Variants in ATG7 observed in about 807,000 individuals in gnomAD.
ATG7 encodes ubiquitin-like modifier-activating enzyme ATG7.
ATG7 carries 70 observed loss-of-function variants against 82.4 expected under a neutral mutation model. The ratio of observed to expected loss-of-function variants is 0.85; its 90% confidence interval spans 0.70 to 1.04. The LOEUF (loss-of-function observed/expected upper bound fraction) is 1.04, where lower values mean the gene tolerates loss of function less well. Among genes scored for constraint, ATG7 ranks in the 50% least tolerant of loss-of-function variants. The pLI is 0.00. For synonymous variants in ATG7, 287 were observed against 313.0 expected, an observed-to-expected ratio of 0.92 and a Z score of 0.88; for missense variants, 792 against 864.3, an observed-to-expected ratio of 0.92 and a Z score of 1.05.
At chr3:11,559,132 C>A (rs139047771), downstream of ATG7, among the ~76,000 whole-genome samples, 1 of 152,228 alleles carries the variant, frequency 6.6e-6, no homozygotes, top group African/African-American at 2.4e-5. Flanking sequence ...TGGAACTGAG[C>A]GAGGCGGTGT....
At chr3:11,429,580 AAT>A (rs2082679947) in intron 20 of ATG7, among the ~76,000 whole-genome samples, 1 of 152,164 alleles carries the variant, frequency 6.6e-6, no homozygotes, top group South Asian at 2.1e-4. Flanking sequence ...TGCATCTCTT[AAT>A]AGTGATGGTT....
At chr3:11,505,466 G>T (rs1446874130) in intron 20 of ATG7, among the ~76,000 whole-genome samples, 3 of 152,034 alleles carry the variant, frequency 2.0e-5, no homozygotes, top group Non-Finnish European at 4.4e-5. Flanking sequence ...TACTATTTTT[G>T]GTTATTGTTT....
chr3:11,395,059 T>C (rs1206167798), intron 19 of ATG7, among the ~76,000 whole-genome samples: 1 of 152,196 alleles, frequency 6.6e-6, no homozygotes, highest in Non-Finnish European at 1.5e-5. Flanking sequence ...TATTGGGGAC[T>C]GGAAACTCTA....
intron 20 of ATG7, among the ~76,000 whole-genome samples, chr3:11,521,443 A>G (rs574033764): frequency 1.1e-4 from 16 of 152,270 alleles, no homozygotes; most frequent in African/African-American, 3.8e-4. Flanking sequence ...GAAAAGGCGC[A>G]TCGCACAGCA....
At chr3:11,475,514 C>T (rs2088055267) in intron 20 of ATG7, among the ~76,000 whole-genome samples, 1 of 152,120 alleles carries the variant, frequency 6.6e-6, no homozygotes, top group Admixed American at 6.5e-5. Context: ...GTTGGGAGCA[C>T]ACATCCCAGG....
chr3:11,475,103 T>G (rs1450443651), intron 20 of ATG7, among the ~76,000 whole-genome samples: 2 of 151,604 alleles, frequency 1.3e-5, no homozygotes, highest in African/African-American at 4.9e-5. Flanking sequence ...AATAAGAAGG[T>G]TTGGGGTGAA....
intron 19 of ATG7, among the ~76,000 whole-genome samples, chr3:11,400,982 A>G (rs2079783651): frequency 6.6e-6 from 1 of 152,342 alleles, no homozygotes; most frequent in South Asian, 2.1e-4. Flanking sequence ...AGAAATAGCT[A>G]AAGATGGACT....
At chr3:11,383,231 C>T (rs568395209) in intron 19 of ATG7, among the ~76,000 whole-genome samples, 3 of 152,134 alleles carry the variant, frequency 2.0e-5, no homozygotes, top group Non-Finnish European at 4.4e-5. Flanking sequence ...GTCTCTGGCT[C>T]CCTTCAATCT....
intron 19 of ATG7, among the ~76,000 whole-genome samples, chr3:11,407,970 A>C (rs892893578): frequency 3.3e-5 from 5 of 152,222 alleles, no homozygotes; most frequent in Admixed American, 2.6e-4. Context: ...GCTCCTAGTT[A>C]CTTAAGCAAA....
In ATG7 at chr3:11,340,712, CAG is replaced by C; in HGVS notation, c.958_959del (p.Ser320Ter). The C allele has an allele frequency of 6.2e-7, 1 of 1,613,718 alleles. No individual in the cohort carries two copies. Among genetic ancestry groups the C allele is most frequent in the East Asian group, 2.2e-5 (1 of 44,862 alleles). The part of the protein sequence containing the change: ...GGMGPRMVNL[S>X]ECMDPKRLAE... ...GCATGGGACCAAGGATGGTGAACCTCAGTGAATGTATGGACCCTAAAAGGTAT... is the reference window on the plus strand; with the variant it reads ...GCATGGGACCAAGGATGGTGAACCTCTGAATGTATGGACCCTAAAAGGTAT... On this transcript the variant is annotated frameshift_variant, in exon 12 of 21. Coordinates refer to ENST00000693202, the MANE Select transcript of ATG7 (RefSeq NM_001349232.2). LOFTEE classifies it high-confidence loss of function.
intron 20 of ATG7, among the ~76,000 whole-genome samples, chr3:11,544,895 C>T (rs1283925868): frequency 6.6e-6 from 1 of 152,226 alleles, no homozygotes; most frequent in South Asian, 2.1e-4. Context: ...TACCCTCACG[C>T]AGCACGCAGT....
chr3:11,386,687 C>T (rs1224596210), intron 19 of ATG7, among the ~76,000 whole-genome samples: 1 of 152,138 alleles, frequency 6.6e-6, no homozygotes, highest in Non-Finnish European at 1.5e-5. Flanking sequence ...ATGAGTAACC[C>T]CCAGGTTCTC....
intron 20 of ATG7, among the ~76,000 whole-genome samples, chr3:11,468,639 A>C (rs778801939): frequency 7.9e-5 from 12 of 152,282 alleles, no homozygotes; most frequent in Middle Eastern, 3.4e-3. Flanking sequence ...CCCTAGAAAG[A>C]GGAACTCTTG....
intron 3 of ATG7, among the ~76,000 whole-genome samples, chr3:11,292,286 C>T (rs540578896): frequency 1.3e-4 from 19 of 147,738 alleles, no homozygotes; most frequent in Non-Finnish European, 2.5e-4. Context: ...CAGAGTCTCG[C>T]TCTGTTGCCC....
intron 9 of ATG7, among the ~76,000 whole-genome samples, chr3:11,323,131 A>G (rs570412903): frequency 6.6e-6 from 1 of 152,222 alleles, no homozygotes; most frequent in Non-Finnish European, 1.5e-5. Context: ...GTTCATAATC[A>G]GTGGTGTGCT....
At chr3:11,395,936 T>C (rs1425015046) in intron 19 of ATG7, among the ~76,000 whole-genome samples, 1 of 73,830 alleles carries the variant, frequency 1.4e-5, no homozygotes, top group Non-Finnish European at 2.3e-5. Flanking sequence ...CGAGACTCTG[T>C]CTCAAAAAAA....
intron 9 of ATG7, among the ~76,000 whole-genome samples, chr3:11,323,974 G>A (rs11714039): frequency 0.2 from 30,667 of 152,172 alleles, 3,483 homozygotes; most frequent in South Asian, 0.34. Flanking sequence ...CAAGCAAGTT[G>A]GCAATTTTGC....
intron 5 of ATG7, among the ~76,000 whole-genome samples, chr3:11,300,055 G>A (rs530996594): frequency 1.3e-5 from 2 of 152,030 alleles, no homozygotes; most frequent in South Asian, 4.2e-4. Flanking sequence ...CTCCCAAGTA[G>A]CTGGGACTAC....
the ATG7 span, among the ~76,000 whole-genome samples, chr3:11,568,240 G>A: frequency 2.6e-5 from 4 of 152,198 alleles, no homozygotes; most frequent in Admixed American, 6.5e-5. The surrounding 1 kb of genome is among the most constrained non-coding windows in gnomAD (Gnocchi z 5.9). Flanking sequence ...CCCACCCCTC[G>A]CACCTTATGT....
Sources: gnomAD v4.1 joint callset for allele counts (sites outside exome capture counted in the v4.1 genomes callset) on GRCh38, gnomAD v4.1.1 for gene constraint, Gnocchi (gnomAD v3.1) non-coding constraint, MANE v1.5 for transcripts, NCBI Gene and HGNC (gene_info 2026-07-23, HGNC 2026-07-21) for gene names.